STAM2: variants seen among roughly 807,000 people sequenced by gnomAD.
STAM2 encodes signal transducing adaptor molecule 2.
In STAM2, 51 loss-of-function variants were observed where a neutral mutation model predicts 65.6. The ratio of observed to expected loss-of-function variants is 0.78; its 90% confidence interval spans 0.62 to 0.98. The LOEUF is 0.98. Among genes scored for constraint, STAM2 ranks in the 50% least tolerant of loss-of-function variants. The pLI is 0.00. For synonymous variants in STAM2, 198 were observed against 208.4 expected, an observed-to-expected ratio of 0.95 and a Z score of 0.43; for missense variants, 584 against 617.8, an observed-to-expected ratio of 0.95 and a Z score of 0.58.
In STAM2 at chr2:152,146,748, T is replaced by C. The variant is rs529061704; in HGVS notation, c.447+414A>G. Among the ~76,000 whole-genome samples, 17 of 152,356 alleles carry C rather than the reference T, an allele frequency of 1.1e-4. No individual in the cohort carries two copies. The South Asian group carries it at 3.5e-3, about 32-fold the overall frequency. Reference sequence around the variant, plus strand: ...CACCATTCCAATCTGTAGTCACCTCTTTCTCTCTTTGGTATTAAGATAGAC... The same window carrying C: ...CACCATTCCAATCTGTAGTCACCTCCTTCTCTCTTTGGTATTAAGATAGAC... On this transcript the variant is annotated intron_variant, in intron 5 of 13. Coordinates refer to ENST00000263904, the MANE Select transcript of STAM2 (RefSeq NM_005843.6).
Position 152,125,039 on chromosome 2 carries a change from G to A in STAM2, c.1180-1104C>T, listed in dbSNP as rs143412885. Among the ~76,000 whole-genome samples the A allele has an allele frequency of 2.6e-5, 4 of 152,316 alleles. No individual in the cohort carries two copies. In the East Asian group the frequency reaches 5.8e-4, roughly 22 times the overall value. ...AGACATGAGTTGTGCTTGGCAAAAC[G>A]CAGTAAGTAGAATGCAACTAAACAC... On this transcript the variant is annotated intron_variant, in intron 12 of 13. Coordinates refer to ENST00000263904, the MANE Select transcript of STAM2 (RefSeq NM_005843.6).
chr2:152,133,276 G>T lies in STAM2; in HGVS notation c.883-16C>A. ...CCATCTTATCCTAAAAAAGTAACAGGACACTTTTCAAAAACTCAAGAGTTT... is the reference window on the plus strand; with the variant it reads ...CCATCTTATCCTAAAAAAGTAACAGTACACTTTTCAAAAACTCAAGAGTTT... On this transcript the variant is annotated splice_polypyrimidine_tract_variant and intron_variant, in intron 9 of 13. Coordinates refer to ENST00000263904, the MANE Select transcript of STAM2 (RefSeq NM_005843.6). 2 of 1,591,932 alleles carry T rather than the reference G, an allele frequency of 1.3e-6. No homozygotes were observed. The highest frequency in any genetic ancestry group is 8.6e-7 in the Non-Finnish European group (1 of 1,165,110).
intron 4 of STAM2, among the ~76,000 whole-genome samples, 165 bp downstream of exon 4, chr2:152,147,859 T>G (rs927991280): frequency 3.3e-5 from 5 of 152,212 alleles, no homozygotes; most frequent in African/African-American, 1.2e-4. Context: ...GAGAATAGTT[T>G]TTGGTGCTAC....
chr2:152,130,276 G>A (rs1404982494), intron 11 of STAM2, among the ~76,000 whole-genome samples: 2 of 151,930 alleles, frequency 1.3e-5, no homozygotes, highest in African/African-American at 2.4e-5. Flanking sequence ...TTTTGAGACC[G>A]TGTCTTGCTC....
chr2:152,167,485 T>C (rs772188361), intron 1 of STAM2, among the ~76,000 whole-genome samples: 3 of 152,232 alleles, frequency 2.0e-5, no homozygotes, highest in Non-Finnish European at 2.9e-5. Context: ...GTTTCAACAA[T>C]ACCAAAATGC....
At chr2:152,161,494 T>TAAAAAAA (rs10714838) in intron 1 of STAM2, among the ~76,000 whole-genome samples, 12 of 103,564 alleles carry the variant, frequency 1.2e-4, no homozygotes, top group East Asian at 3.4e-4. Context: ...GAATGATCAA[T>TAAAAAAA]AAAAAAAAAA....
At chr2:152,165,437 A>G (rs1271331417) in intron 1 of STAM2, among the ~76,000 whole-genome samples, 1 of 152,094 alleles carries the variant, frequency 6.6e-6, no homozygotes, top group African/African-American at 2.4e-5. Context: ...TCTCAAAAAA[A>G]AAAAGTCTCC....
chr2:152,175,358 T>C (rs1458308427), intron 1 of STAM2, among the ~76,000 whole-genome samples: 2 of 152,150 alleles, frequency 1.3e-5, no homozygotes, highest in Non-Finnish European at 2.9e-5. Flanking sequence ...ATCCTACGCT[T>C]GGCAAGGAGA....
chr2:152,139,961 A>G (rs1043220865), intron 7 of STAM2, among the ~76,000 whole-genome samples: 1 of 152,170 alleles, frequency 6.6e-6, no homozygotes, highest in Non-Finnish European at 1.5e-5. Flanking sequence ...AGTATACAGG[A>G]AGATGTGTGT....
intron 7 of STAM2, among the ~76,000 whole-genome samples, chr2:152,138,231 C>T (rs191359819): frequency 3.9e-5 from 6 of 152,144 alleles, no homozygotes; most frequent in Admixed American, 1.3e-4. Context: ...TTATGTAAAA[C>T]ATAATATGTA....
intron 7 of STAM2, among the ~76,000 whole-genome samples, chr2:152,138,730 TTCTAAGA>T (rs1238140024): frequency 6.6e-6 from 1 of 152,174 alleles, no homozygotes; most frequent in Non-Finnish European, 1.5e-5. Context: ...GTACTGACAG[TTCTAAGA>T]TATCATATCT....
chr2:152,164,378 G>C (rs1476572892), intron 1 of STAM2, among the ~76,000 whole-genome samples: 1 of 140,056 alleles, frequency 7.1e-6, no homozygotes, highest in Non-Finnish European at 1.5e-5. Flanking sequence ...TTTCACTCTT[G>C]TTGCCCAGGC....
intron 7 of STAM2, among the ~76,000 whole-genome samples, chr2:152,136,014 C>T (rs1467598725): frequency 4.8e-5 from 7 of 146,484 alleles, no homozygotes; most frequent in African/African-American, 1.8e-4. Flanking sequence ...CGCTTAAACC[C>T]GGGAGGAGGA....
At chr2:152,157,503 A>G (rs530509842) in intron 1 of STAM2, among the ~76,000 whole-genome samples, 1 of 152,362 alleles carries the variant, frequency 6.6e-6, no homozygotes, top group African/African-American at 2.4e-5. Context: ...CTCTTTGTGT[A>G]CACACAGCAA....
Position 152,131,657 on chromosome 2 carries a change from A to G in STAM2, c.1025+457T>C. On this transcript the variant is annotated intron_variant, in intron 11 of 13. Coordinates refer to ENST00000263904, the MANE Select transcript of STAM2 (RefSeq NM_005843.6). ...GGGGTAAAAGTAGACTCTGAAGATG[A>G]TCAGAAAAGGCAAAGCAAAATTGGT... 1.6e-5 allele frequency: 3 copies of G among 190,710 alleles called. No homozygotes were observed. The South Asian group carries it at 3.2e-4, about 20-fold the overall frequency. The allele number at this position is 190,710 out of a possible 1,614,324, so 11.8% of individuals were successfully genotyped here. A position where few individuals can be genotyped will look rare whatever the true frequency, so the allele number is the denominator to read the frequency against.
At chr2:152,126,127 CACAG>C (rs1435709435) in intron 12 of STAM2, 95 bp downstream of exon 12, 30 of 1,014,476 alleles carry the variant, frequency 3.0e-5, no homozygotes, top group Non-Finnish European at 3.9e-5. Flanking sequence ...TAATTTTATT[CACAG>C]ACAAAAGAAA....
intron 7 of STAM2, among the ~76,000 whole-genome samples, chr2:152,139,733 C>T (rs959980032): frequency 2.1e-4 from 32 of 152,126 alleles, no homozygotes; most frequent in Admixed American, 3.9e-4. Context: ...GAGAGACATA[C>T]GTAAAGAAGC....
At chr2:152,130,552 C>T (rs1689040851) in intron 11 of STAM2, among the ~76,000 whole-genome samples, 2 of 151,590 alleles carry the variant, frequency 1.3e-5, no homozygotes, top group South Asian at 4.2e-4. Flanking sequence ...CGCCTGGCCG[C>T]TCCTATTTTT....
At chr2:152,136,467 A>T (rs2105538687) in intron 7 of STAM2, among the ~76,000 whole-genome samples, 1 of 152,236 alleles carries the variant, frequency 6.6e-6, no homozygotes, top group South Asian at 2.1e-4. Flanking sequence ...TTAAAAAATT[A>T]AAAAGTAAAC....
Sources: allele counts gnomAD v4.1 joint callset (sites outside exome capture counted in the v4.1 genomes callset), GRCh38; gene constraint gnomAD v4.1.1; transcripts MANE v1.5; gene names NCBI Gene and HGNC (gene_info 2026-07-23, HGNC 2026-07-21).